Variants in DHRSX observed in about 807,000 individuals in gnomAD.
The protein encoded by DHRSX is polyprenol dehydrogenase.
In DHRSX, 31 loss-of-function variants were observed where a neutral mutation model predicts 34.0. The ratio of observed to expected loss-of-function variants is 0.91; its 90% CI spans 0.69 to 1.23. DHRSX has a LOEUF of 1.23. DHRSX is among the 50% of genes most tolerant of loss of function. DHRSX has a pLI of 0.00. For missense variants in DHRSX, 414 were observed against 428.1 expected (o/e 0.97, Z 0.29); for synonymous variants, 201 against 183.8 (o/e 1.09, Z -0.76).
chrX:2,322,678 G>A (rs1470913810), intron 3 of DHRSX, among the ~76,000 whole-genome samples: 17 of 59,900 alleles, frequency 2.8e-4, no homozygotes, highest in South Asian at 1.4e-3. Context: ...CACCACGCCC[G>A]GCTAAAAAAA....
intron 5 of DHRSX, among the ~76,000 whole-genome samples, chrX:2,249,815 C>T (rs1216301056): frequency 6.6e-6 from 1 of 151,780 alleles, no homozygotes; most frequent in Non-Finnish European, 1.5e-5. Context: ...TGAGCCAACG[C>T]ACCTGGCCTA....
chrX:2,422,617 T>C (rs1422460168), intron 2 of DHRSX, among the ~76,000 whole-genome samples: 2 of 152,106 alleles, frequency 1.3e-5, no homozygotes, highest in Non-Finnish European at 2.9e-5. Flanking sequence ...TACAGTATGA[T>C]GTTTATAAAA....
At chrX:2,413,551 T>C (rs1351462880) in intron 2 of DHRSX, among the ~76,000 whole-genome samples, 1 of 152,228 alleles carries the variant, frequency 6.6e-6, no homozygotes, top group Admixed American at 6.5e-5. Flanking sequence ...TAAAAATATG[T>C]AACTTGTTTT....
intron 5 of DHRSX, among the ~76,000 whole-genome samples, chrX:2,259,391 T>G (rs1475628732): frequency 2.4e-4 from 15 of 62,384 alleles, no homozygotes; most frequent in African/African-American, 6.5e-4. Flanking sequence ...TATATAGATA[T>G]ATAGATATAT....
intron 1 of DHRSX, among the ~76,000 whole-genome samples, chrX:2,462,248 C>T (rs957872894): frequency 1.9e-4 from 28 of 151,096 alleles, no homozygotes; most frequent in Admixed American, 2.6e-4. Context: ...TTTCCACAAA[C>T]GCCAGCCCTT....
chrX:2,314,483 A>AAGGGGAGAAGGAAGGAAGGAAGGAAGGG (rs1556466908), intron 3 of DHRSX, among the ~76,000 whole-genome samples: 2 of 45,982 alleles, frequency 4.3e-5, no homozygotes, highest in Non-Finnish European at 9.4e-5. Context: ...GGAAGGAAGG[A>AAGGGGAGAAGGAAGGAAGGAAGGAAGGG]AGGAAGGGAG....
At chrX:2,282,561 C>T (rs190533915) in intron 4 of DHRSX, among the ~76,000 whole-genome samples, 3 of 82,134 alleles carry the variant, frequency 3.7e-5, no homozygotes, top group East Asian at 3.5e-4. Context: ...GGAGGGTGTG[C>T]GAGAGGGAAA....
At chrX:2,319,039 T>C (rs1044704757) in intron 3 of DHRSX, among the ~76,000 whole-genome samples, 2 of 152,112 alleles carry the variant, frequency 1.3e-5, no homozygotes, top group African/African-American at 4.8e-5. Context: ...CCCTTGCCTA[T>C]TTTTGTGCAC....
chrX:2,484,561 C>T lies in DHRSX; in HGVS notation c.109+16256G>A, dbSNP rs766892763. On this transcript the variant is annotated intron_variant, in intron 1 of 6. Coordinates refer to ENST00000334651, the MANE Select transcript of DHRSX (RefSeq NM_145177.3). ...GAAACGAGCCAAACCCTGCTGTTTT[C>T]GTCGTCTGAAGAAATGAGCAAAACA... Among the ~76,000 whole-genome samples, 19 of 152,238 alleles carry T rather than the reference C, an allele frequency of 1.2e-4. No individual in the cohort carries two copies. The South Asian group carries it at 2.7e-3, about 22-fold the overall frequency.
intron 1 of DHRSX, among the ~76,000 whole-genome samples, 199 bp from the exon 2 acceptor site, chrX:2,425,503 G>C (rs1302991427): frequency 6.6e-6 from 1 of 152,130 alleles, no homozygotes; most frequent in Non-Finnish European, 1.5e-5. Context: ...TGACAGTGCA[G>C]TAAAAAACCA....
chrX:2,485,928 GAAGA>G (rs72110720), intron 1 of DHRSX, among the ~76,000 whole-genome samples: 9,906 of 138,154 alleles, frequency 0.072, 861 homozygotes, highest in African/African-American at 0.15. Context: ...AGGAAAGAAG[GAAGA>G]AAGGAAGGAT....
intron 6 of DHRSX, among the ~76,000 whole-genome samples, chrX:2,224,704 A>G (rs1056760117): frequency 6.6e-5 from 10 of 152,018 alleles, no homozygotes; most frequent in Non-Finnish European, 1.3e-4. Context: ...ATATATACAC[A>G]TATGGACACA....
At chrX:2,243,806 T>TG (rs1569478897) in intron 5 of DHRSX, among the ~76,000 whole-genome samples, 1,477 of 93,516 alleles carry the variant, frequency 0.016, 82 homozygotes, top group Middle Eastern at 0.085. Context: ...TTTTTTTTTT[T>TG]TTTTTTTTTT....
At chrX:2,405,168 T>A (rs2043536401) in intron 3 of DHRSX, among the ~76,000 whole-genome samples, 1 of 152,142 alleles carries the variant, frequency 6.6e-6, no homozygotes, top group Non-Finnish European at 1.5e-5. Context: ...CAGCTCTGTG[T>A]AGCGTTCATT....
intron 3 of DHRSX, among the ~76,000 whole-genome samples, chrX:2,332,979 T>C (rs747458717): frequency 6.6e-6 from 1 of 152,118 alleles, no homozygotes; most frequent in South Asian, 2.1e-4. Context: ...TTTCATTTTG[T>C]TGAAAAAAAG....
At chrX:2,479,186 A>C (rs1033831319) in intron 1 of DHRSX, among the ~76,000 whole-genome samples, 2 of 151,884 alleles carry the variant, frequency 1.3e-5, no homozygotes, top group Admixed American at 6.6e-5. Flanking sequence ...TTCCCTAAGC[A>C]TGTGGCCCAA....
Position 2,494,487 on chromosome X carries a change from G to C in DHRSX, c.109+6330C>G, listed in dbSNP as rs1349582864. On this transcript the variant is annotated intron_variant, in intron 1 of 6. Coordinates refer to ENST00000334651, the MANE Select transcript of DHRSX (RefSeq NM_145177.3). ...TACTATTTGGCTGAGAAAGGTGCCA[G>C]GACCTGTAGTAAAGGTTTATATTCT... Among the ~76,000 whole-genome samples, 5 of 151,944 alleles carry C rather than the reference G, an allele frequency of 3.3e-5. No homozygotes were observed. The East Asian group carries it at 9.7e-4, about 29-fold the overall frequency.
chrX:2,482,140 TTTTTA>T (rs1488781967), intron 1 of DHRSX, among the ~76,000 whole-genome samples: 1 of 150,464 alleles, frequency 6.6e-6, no homozygotes, highest in Non-Finnish European at 1.5e-5. Flanking sequence ...TTTTTTTTTT[TTTTTA>T]GAGACAGCAT....
chrX:2,476,645 G>A (rs1026096724), intron 1 of DHRSX, among the ~76,000 whole-genome samples: 3 of 152,014 alleles, frequency 2.0e-5, no homozygotes, highest in Non-Finnish European at 2.9e-5. Context: ...TCAAAACAAC[G>A]CCACGTAGAC....
Sources: allele counts gnomAD v4.1 joint callset (sites outside exome capture counted in the v4.1 genomes callset), GRCh38; gene constraint gnomAD v4.1.1; transcripts MANE v1.5; gene names NCBI Gene and HGNC (gene_info 2026-07-23, HGNC 2026-07-21).